The following ARHGEF10 variants were observed in gnomAD, a reference collection of about 807,000 sequenced individuals.
The protein encoded by ARHGEF10 is Rho guanine nucleotide exchange factor 10, also known as Rho guanine nucleotide exchange factor (GEF) 10.
In ARHGEF10, 140 loss-of-function variants were observed where a neutral mutation model predicts 147.4. The ratio of observed to expected loss-of-function variants is 0.95; its 90% CI spans 0.83 to 1.09. The LOEUF (loss-of-function observed/expected upper bound fraction) is 1.09. Ranked by LOEUF, ARHGEF10 falls within the 50% of genes least tolerant of loss-of-function variation. ARHGEF10 has a pLI of 0.00. For missense variants in ARHGEF10, 2,222 were observed against 1,752.7 expected, an observed-to-expected ratio of 1.27 and a Z score of -4.78; for synonymous variants, 902 against 695.8, an observed-to-expected ratio of 1.30 and a Z score of -4.67.
At chr8:1,913,282 C>T (rs1314867507) in intron 18 of ARHGEF10, among the ~76,000 whole-genome samples, 1 of 147,024 alleles carries the variant, frequency 6.8e-6, no homozygotes, top group South Asian at 2.1e-4. Flanking sequence ...GCCCATCCTT[C>T]CCAGGGAGAA....
rs1365559176 is a variant in ARHGEF10, at chr8:1,858,065, C to G, written c.143C>G (p.Ser48Cys). 2.5e-6 allele frequency: 4 copies of G among 1,614,172 alleles called. No homozygotes were observed. Among genetic ancestry groups the G allele is most frequent in the Non-Finnish European group, 2.5e-6 (3 of 1,180,028 alleles). ...CCAGAAGCGGACAGACAGGCCCCAT[C>G]CGCCCCTGAGACAGGAGGTGCTGGA... The part of the protein sequence containing the change: ...EIPEADRQAP[S>C]APETGGAGAS... The change falls in exon 3 of 29, where the codon TCC becomes TGC. Residue 48 changes from serine to cysteine, a missense_variant. Ser to Cys is a moderately radical substitution (Grantham distance 112, BLOSUM62 -1). Transcript: ENST00000349830.
chr8:1,859,139 G>A (rs112952474), intron 3 of ARHGEF10, among the ~76,000 whole-genome samples: 23,142 of 113,886 alleles, frequency 0.2, 3,866 homozygotes, highest in South Asian at 0.33. Context: ...CGCAGCACGC[G>A]CCTCTCTGCT....
intron 27 of ARHGEF10, among the ~76,000 whole-genome samples, chr8:1,946,681 CACAA>C (rs1814621771): frequency 6.6e-6 from 1 of 152,220 alleles, no homozygotes; most frequent in South Asian, 2.1e-4. Context: ...TCTGGGGAGA[CACAA>C]ACATTCAGTC....
Position 1,841,974 on chromosome 8 carries a change from G to GCCGCGGCGGGAACTGGGT in ARHGEF10, c.-47-1362_-47-1361insTCCGCGGCGGGAACTGGG, listed in dbSNP as rs1563161919. 4.1e-4 allele frequency among the ~76,000 whole-genome samples: 18 copies of GCCGCGGCGGGAACTGGGT among 43,590 alleles called. 3 individuals carry two copies. Among genetic ancestry groups the GCCGCGGCGGGAACTGGGT allele is most frequent in the East Asian group, 1.3e-3 (2 of 1,538 alleles). 28.6% of individuals were successfully genotyped at this position (43,590 alleles called of 152,430 possible). The stretch of plus-strand genomic sequence containing the variant: ...AACTGGGGCCGCGACCGGAACTGGG[G>GCCGCGGCGGGAACTGGGT]CCGCGGCGGGAACTGGGGCCGCGGC... On this transcript the variant is annotated intron_variant, in intron 1 of 28. Transcript: ENST00000349830.
At chr8:1,930,359 C>A (rs1259588263) in intron 25 of ARHGEF10, among the ~76,000 whole-genome samples, 1 of 152,138 alleles carries the variant, frequency 6.6e-6, no homozygotes, top group Non-Finnish European at 1.5e-5. Context: ...CCCATCATCA[C>A]CACCCTGGTC....
intron 15 of ARHGEF10, among the ~76,000 whole-genome samples, chr8:1,899,428 A>T (rs1810282357): frequency 6.6e-6 from 1 of 152,244 alleles, no homozygotes; most frequent in African/African-American, 2.4e-5. Context: ...GATTAAGATG[A>T]ACTGGTGGAG....
intron 26 of ARHGEF10, among the ~76,000 whole-genome samples, chr8:1,934,552 A>T (rs558051174): frequency 6.6e-6 from 1 of 152,144 alleles, no homozygotes; most frequent in Non-Finnish European, 1.5e-5. Flanking sequence ...ACTTAGGGAA[A>T]ATTTGCATTT....
At chr8:1,921,589 C>T (rs1212525369) in intron 18 of ARHGEF10, among the ~76,000 whole-genome samples, 1 of 152,108 alleles carries the variant, frequency 6.6e-6, no homozygotes, top group Non-Finnish European at 1.5e-5. Flanking sequence ...CACAAATTAG[C>T]TGGGCATGGT....
At position 1,880,092 on chromosome 8, in the gene ARHGEF10, G is replaced by A. The variant is rs1390318106; in HGVS notation, c.888G>A (p.Lys296=). 6.2e-7 allele frequency: 1 copy of A among 1,614,168 alleles called. No homozygotes were observed. The highest frequency in any genetic ancestry group is 8.5e-7 in the Non-Finnish European group (1 of 1,180,016). The change falls in exon 9 of 29, where the codon AAG becomes AAA. Residue 296 remains lysine, a synonymous_variant. Coordinates refer to ENST00000349830, the MANE Select transcript of ARHGEF10 (RefSeq NM_014629.4). ...GTTTAAAGGAGCACTATGAGAAAAA[G>A]ATGAGAGATTTGATGGCAAGCACGG... ...LTRLKEHYEK[K]MRDLMASTVG...
chr8:1,931,353 T>C (rs777183193), intron 25 of ARHGEF10, among the ~76,000 whole-genome samples: 2 of 152,228 alleles, frequency 1.3e-5, no homozygotes, highest in Non-Finnish European at 2.9e-5. Flanking sequence ...ATTTTATGCT[T>C]ATGTCCCCCT....
chr8:1,864,719 G>A (rs1461612329), intron 5 of ARHGEF10, among the ~76,000 whole-genome samples: 1 of 152,182 alleles, frequency 6.6e-6, no homozygotes, highest in Admixed American at 6.5e-5. Flanking sequence ...TCCCTCATTT[G>A]CTTTTCTCCT....
At chr8:1,871,179 C>T (rs1261876880) in intron 7 of ARHGEF10, 1 of 147,826 alleles carries the variant, frequency 6.8e-6, no homozygotes, top group African/African-American at 2.5e-5. Context: ...GTATGATTGA[C>T]TTGAAGGTCA....
chr8:1,884,131 T>C lies in ARHGEF10; in HGVS notation c.1075+1382T>C, dbSNP rs192966099. ...ATCCTTGGCCGGGCACGGTGGCTCATGCCTGTAATCCCAGCATTTTTGGAG... is the reference window on the plus strand; with the variant it reads ...ATCCTTGGCCGGGCACGGTGGCTCACGCCTGTAATCCCAGCATTTTTGGAG... On this transcript the variant is annotated intron_variant, in intron 10 of 28. Transcript: ENST00000349830. Among the ~76,000 whole-genome samples the C allele has an allele frequency of 5.4e-3, 826 of 152,242 alleles. 8 individuals carry two copies. Among genetic ancestry groups the C allele is most frequent in the African/African-American group, 0.019 (773 of 41,540 alleles).
intron 2 of ARHGEF10, among the ~76,000 whole-genome samples, chr8:1,845,769 C>T (rs556201291): frequency 3.6e-4 from 55 of 152,346 alleles, no homozygotes; most frequent in Middle Eastern, 3.4e-3. Context: ...ATGGTCTCCA[C>T]GACCAGAACT....
At chr8:1,926,067 G>C (rs1812667585) in intron 22 of ARHGEF10, among the ~76,000 whole-genome samples, 1 of 152,186 alleles carries the variant, frequency 6.6e-6, no homozygotes, top group African/African-American at 2.4e-5. Context: ...ATCACAGGCT[G>C]TACTTGATGC....
chr8:1,876,725 C>T lies in ARHGEF10; in HGVS notation c.834C>T (p.His278=), dbSNP rs746945241. ...CCAGGTCCTTCCTGCGCAGCAACCA[C>T]AAAAAGCAAGTACGTGTTCCCTGCA... is the stretch of plus-strand genomic sequence containing the variant. The part of the protein sequence containing the change: ...GIPRSFLRSN[H]KKQLSHDLTR... Residue 278 remains histidine (H), a synonymous_variant, in exon 8 of 29, where the codon CAC becomes CAT. Coordinates refer to ENST00000349830, the MANE Select transcript of ARHGEF10 (RefSeq NM_014629.4). 33 of 1,614,022 alleles carry T rather than the reference C, an allele frequency of 2.0e-5. No individual in the cohort carries two copies. In the Admixed American group the frequency reaches 4.8e-4, roughly 24 times the overall value.
intron 1 of ARHGEF10, among the ~76,000 whole-genome samples, chr8:1,828,972 T>A (rs1802928154): frequency 1.3e-5 from 2 of 152,104 alleles, no homozygotes; most frequent in African/African-American, 4.8e-5. Context: ...GAAAAGTGAG[T>A]CCAAAGAGCA....
At chr8:1,923,292 C>G (rs1812437498) in intron 19 of ARHGEF10, 176 bp from the exon 20 acceptor site, 7 of 1,044,630 alleles carry the variant, frequency 6.7e-6, no homozygotes, top group Non-Finnish European at 9.9e-6. Flanking sequence ...TCAGTTCTAT[C>G]TTAGAAATGT....
At chr8:1,895,449 AG>A (rs753121828) in intron 13 of ARHGEF10, among the ~76,000 whole-genome samples, 69 of 152,220 alleles carry the variant, frequency 4.5e-4, no homozygotes, top group Admixed American at 8.5e-4. Context: ...GTACTTGATG[AG>A]GTCTATAAAT....
Sources: gnomAD v4.1 joint callset for allele counts (sites outside exome capture counted in the v4.1 genomes callset) on GRCh38, gnomAD v4.1.1 for gene constraint, MANE v1.5 for transcripts, NCBI Gene and HGNC (gene_info 2026-07-23, HGNC 2026-07-21) for gene names.